MAST2: variants seen among roughly 807,000 people sequenced by gnomAD.
MAST2 encodes the protein microtubule-associated serine/threonine-protein kinase 2.
Under a neutral mutation model 147.4 loss-of-function variants are expected in MAST2, and 70 were observed. That is an observed-to-expected ratio of 0.47 (90% CI 0.39 to 0.58). The LOEUF is 0.58. MAST2 is among the 20% of genes least tolerant of loss of function. MAST2 has a pLI of 0.00. For synonymous variants in MAST2, 869 were observed against 896.8 expected (o/e 0.97, Z 0.55); for missense variants, 2,080 against 2,302.3 (o/e 0.90, Z 1.98).
intron 5 of MAST2, among the ~76,000 whole-genome samples, chr1:45,987,777 A>ATTTT: frequency 2.8e-3 from 62 of 21,804 alleles, no homozygotes; most frequent in Non-Finnish European, 3.3e-3. Context: ...TTTTTTTTTG[A>ATTTT]TTTTTTTTTT....
At chr1:46,027,887 T>TG (rs34371735) in intron 17 of MAST2, 24 bp downstream of exon 17, 1 of 1,613,112 alleles carries the variant, frequency 6.2e-7, no homozygotes, top group Non-Finnish European at 8.5e-7. Flanking sequence ...GTTGATACAC[T>TG]GGGGGTTAAA....
At chr1:45,810,768 G>T (rs574504650) in intron 1 of MAST2, among the ~76,000 whole-genome samples, 1 of 132,594 alleles carries the variant, frequency 7.5e-6, no homozygotes, top group Admixed American at 8.1e-5. Flanking sequence ...CCAAGATCGC[G>T]CCACGGTACT....
At chr1:45,889,763 A>G (rs1323011983) in intron 4 of MAST2, among the ~76,000 whole-genome samples, 2 of 148,624 alleles carry the variant, frequency 1.3e-5, no homozygotes, top group Admixed American at 6.7e-5. Flanking sequence ...ACGCCATGAC[A>G]CCCAGCTAAT....
chr1:46,029,208 G>T, intron 18 of MAST2: 2 of 547,132 alleles, frequency 3.7e-6, no homozygotes. Flanking sequence ...CCATAAGTGT[G>T]AGGGGTACGT....
At chr1:45,900,727 A>G (rs1649626723) in intron 4 of MAST2, among the ~76,000 whole-genome samples, 1 of 7,132 alleles carries the variant, frequency 1.4e-4, no homozygotes, top group Non-Finnish European at 2.2e-4. Flanking sequence ...GGCCTCCCAA[A>G]GTGCTGGGAT....
In MAST2 at chr1:45,888,663, C is replaced by CTTTTTTTT. The variant is rs71587722; in HGVS notation, c.500+6297_500+6304dup. On this transcript the variant is annotated intron_variant, in intron 4 of 28. Transcript: ENST00000361297. ...AGGCGTGAGCCACCGCGCGCGGCCT[C>CTTTTTTTT]TTTTTTTTTTTTTTTTTTTTTTTTT... Among the ~76,000 whole-genome samples the CTTTTTTTT allele has an allele frequency of 1.5e-3, 73 of 48,716 alleles. 10 individuals carry two copies. The highest frequency in any genetic ancestry group is 2.3e-3 in the African/African-American group (30 of 12,776). 32.0% of individuals were successfully genotyped at this position (48,716 alleles called of 152,430 possible). A position where few individuals can be genotyped will look rare whatever the true frequency, so the allele number is the denominator to read the frequency against.
At chr1:45,911,336 A>G (rs936661086) in intron 4 of MAST2, among the ~76,000 whole-genome samples, 1 of 152,208 alleles carries the variant, frequency 6.6e-6, no homozygotes, top group African/African-American at 2.4e-5. Flanking sequence ...TATGGCTTTC[A>G]TTCTCTAAAA....
At chr1:45,807,201 A>G (rs1384962170) in intron 1 of MAST2, among the ~76,000 whole-genome samples, 1 of 151,840 alleles carries the variant, frequency 6.6e-6, no homozygotes, top group Non-Finnish European at 1.5e-5. Flanking sequence ...TTCTTTTTTA[A>G]TATTATAATA....
chr1:45,955,195 A>G (rs1298368194), intron 4 of MAST2, among the ~76,000 whole-genome samples: 1 of 152,048 alleles, frequency 6.6e-6, no homozygotes, highest in East Asian at 1.9e-4. Context: ...ATATACCATC[A>G]TATATATATT....
chr1:45,986,545 C>T (rs182224095), intron 5 of MAST2, among the ~76,000 whole-genome samples: 25 of 151,974 alleles, frequency 1.6e-4, no homozygotes, highest in African/African-American at 5.8e-4. Flanking sequence ...AGTGAAACCC[C>T]GTCTCTACTA....
rs754412788 is a variant in MAST2, at chr1:46,031,566, C to A, written c.3168C>A (p.Leu1056=). The change falls in exon 24 of 29, where the codon CTC becomes CTA. Residue 1056 remains leucine, a synonymous_variant. Transcript: ENST00000361297. This position sits in a 1 kb window ranked among gnomAD's most constrained non-coding sequence, Gnocchi z 4.1. ...TCAAGTCCGCCTCAGCCACAGCCCT[C>A]TCACTCCTCATTCCTTCGGGTGAGG... ...KVIKSASATA[L]SLLIPSEHHT... 4 of 1,613,394 alleles carry A rather than the reference C, an allele frequency of 2.5e-6. No individual in the cohort carries two copies. The highest frequency in any genetic ancestry group is 3.4e-6 in the Non-Finnish European group (4 of 1,179,384).
intron 4 of MAST2, among the ~76,000 whole-genome samples, chr1:45,932,946 T>C (rs989113743): frequency 2.6e-5 from 4 of 151,566 alleles, no homozygotes; most frequent in African/African-American, 7.3e-5. Flanking sequence ...TAGTTCTTTT[T>C]AGTGGAGAAT....
rs1645675850 is a variant in MAST2 at position 46,010,666 on chromosome 1, C to A, written c.979-64C>A. On this transcript the variant is annotated intron_variant, in intron 9 of 28. Coordinates refer to ENST00000361297, the MANE Select transcript of MAST2 (RefSeq NM_015112.3). ...ATTATTTTGCTATTTCCAGGTCCTT[C>A]AGGCTTAGCTCCAACTGAGCTGGAA... 4.7e-6 allele frequency: 7 copies of A among 1,479,844 alleles called. No individual in the cohort carries two copies. The South Asian group carries it at 7.1e-5, about 15-fold the overall frequency. The allele number at this position is 1,479,844 out of a possible 1,614,324, so 91.7% of individuals were successfully genotyped here.
At chr1:45,897,858 A>G (rs550456248) in intron 4 of MAST2, among the ~76,000 whole-genome samples, 1 of 151,864 alleles carries the variant, frequency 6.6e-6, no homozygotes, top group South Asian at 2.1e-4. Flanking sequence ...TAATCCCAGC[A>G]CTTTGGGAGG....
chr1:45,867,552 A>T lies in MAST2; in HGVS notation c.469-14812A>T, dbSNP rs554330528. On this transcript the variant is annotated intron_variant, in intron 3 of 28. Transcript: ENST00000361297. ...CAGCCAAATTTCATTTCATTTCTGTACTCCACTGGTATATTGAGAGTAGAC... is the reference window on the plus strand; with the variant it reads ...CAGCCAAATTTCATTTCATTTCTGTTCTCCACTGGTATATTGAGAGTAGAC... Among the ~76,000 whole-genome samples the T allele has an allele frequency of 2.0e-5, 3 of 151,690 alleles. No individual in the cohort carries two copies. In the East Asian group the frequency reaches 6.0e-4, roughly 30 times the overall value.
chr1:45,876,940 A>G (rs1421447612), intron 3 of MAST2, among the ~76,000 whole-genome samples: 1 of 152,238 alleles, frequency 6.6e-6, no homozygotes, highest in Non-Finnish European at 1.5e-5. Flanking sequence ...CTATTCAAGA[A>G]GTCAGAACTG....
At chr1:45,992,881 G>A (rs1049569945) in intron 5 of MAST2, among the ~76,000 whole-genome samples, 1 of 152,000 alleles carries the variant, frequency 6.6e-6, no homozygotes, top group Admixed American at 6.6e-5. Flanking sequence ...TTGGGGTTAA[G>A]TGTGTATTTT....
intron 4 of MAST2, among the ~76,000 whole-genome samples, chr1:45,918,441 A>C (rs1427645167): frequency 6.6e-6 from 1 of 152,150 alleles, no homozygotes; most frequent in East Asian, 1.9e-4. Context: ...AGATTAAACA[A>C]TTTTGAGGCT....
chr1:45,886,027 A>T (rs1297908601), intron 4 of MAST2, among the ~76,000 whole-genome samples: 1 of 151,978 alleles, frequency 6.6e-6, no homozygotes, highest in Non-Finnish European at 1.5e-5. Flanking sequence ...ACTTTGAGAG[A>T]CTAAGGCAGG....
Sources: allele counts gnomAD v4.1 joint callset (sites outside exome capture counted in the v4.1 genomes callset), GRCh38; gene constraint gnomAD v4.1.1; non-coding constraint Gnocchi (gnomAD v3.1); transcripts MANE v1.5; gene names NCBI Gene and HGNC (gene_info 2026-07-23, HGNC 2026-07-21).